Variants in GLB1 observed in about 807,000 individuals in gnomAD.
GLB1 encodes galactosidase beta 1.
A neutral mutation model predicts 74.0 loss-of-function variants in GLB1; 56 were observed. That is an observed-to-expected ratio of 0.76 (90% CI 0.61 to 0.94). The LOEUF (loss-of-function observed/expected upper bound fraction) is 0.94. Ranked by LOEUF, GLB1 falls within the 40% of genes least tolerant of loss-of-function variation. The pLI, the probability that GLB1 is intolerant of heterozygous loss-of-function variation, is 0.00. For synonymous variants in GLB1, 323 were observed against 323.6 expected (o/e 1.00, Z 0.02); for missense variants, 787 against 845.5 (o/e 0.93, Z 0.86).
At chr3:32,962,024 C>T in the GLB1 span, among the ~76,000 whole-genome samples, 1 of 152,148 alleles carries the variant, frequency 6.6e-6, no homozygotes, top group East Asian at 1.9e-4. Flanking sequence ...GGCGAAACCC[C>T]GTCTACTAAA....
At chr3:33,053,278 C>T (rs1307008546) in intron 7 of GLB1, among the ~76,000 whole-genome samples, 1 of 152,150 alleles carries the variant, frequency 6.6e-6, no homozygotes, top group Non-Finnish European at 1.5e-5. Flanking sequence ...TCATGTTGGT[C>T]CCCAGTCTGT....
At chr3:32,999,072 G>A (rs986281678) in intron 15 of GLB1, among the ~76,000 whole-genome samples, 2 of 152,172 alleles carry the variant, frequency 1.3e-5, no homozygotes, top group African/African-American at 2.4e-5. Context: ...CATGATTAAA[G>A]TGAAAAGATG....
At chr3:33,069,814 T>A (rs981498357) in intron 2 of GLB1, among the ~76,000 whole-genome samples, 4 of 152,198 alleles carry the variant, frequency 2.6e-5, no homozygotes, top group Non-Finnish European at 5.9e-5. Flanking sequence ...TAAATAAATT[T>A]TTAAAAACTT....
intron 6 of GLB1, among the ~76,000 whole-genome samples, chr3:33,054,951 C>T (rs1699152452): frequency 6.6e-6 from 1 of 152,262 alleles, no homozygotes; most frequent in African/African-American, 2.4e-5. Context: ...GACGTGGCCC[C>T]AGCCAAGACC....
Position 33,058,125 on chromosome 3 carries a change from G to T in GLB1, c.697C>A (p.Leu233Met), listed in dbSNP as rs751275184. Residue 233 changes from leucine (L) to methionine (M), a missense_variant, in exon 6 of 16, where the codon CTG becomes ATG. By Grantham distance (15) the Leu-to-Met change is conservative. Transcript: ENST00000307363. ...TCCACCGTGGTGTAGAGGCCCTGCA[G>T]GGCCCCACATTTCAGGAATGTTTTA... ...AHKTFLKCGA[L>M]QGLYTTVDFG... 1.4e-5 allele frequency: 23 copies of T among 1,614,002 alleles called. No homozygotes were observed. Among genetic ancestry groups the T allele is most frequent in the Non-Finnish European group, 1.9e-5 (23 of 1,180,014 alleles).
chr3:32,995,198 G>A (rs1000736223), downstream of GLB1, among the ~76,000 whole-genome samples: 1 of 152,100 alleles, frequency 6.6e-6, no homozygotes, highest in Non-Finnish European at 1.5e-5. Context: ...ACACGCTGAT[G>A]AGGCAACCAC....
At position 33,093,165 on chromosome 3, in the gene GLB1, T is replaced by G. The variant is rs937285209; in HGVS notation, c.75+3846A>C. The G allele has an allele frequency of 1.9e-6, 3 of 1,613,794 alleles. No individual in the cohort carries two copies. Among genetic ancestry groups the G allele is most frequent in the Non-Finnish European group, 2.5e-6 (3 of 1,179,938 alleles). ...GTCAAGATCCATGCCATGGCCAGAG[T>G]AGTGCAGGATGTCTGCTTCAATATC... is the stretch of plus-strand genomic sequence containing the variant. On this transcript the variant is annotated intron_variant, in intron 1 of 15. Coordinates refer to ENST00000307363, the MANE Select transcript of GLB1 (RefSeq NM_000404.4). The surrounding 1 kb of genome is among the most constrained non-coding windows in gnomAD (Gnocchi z 6.0).
At position 33,015,234 on chromosome 3, in the gene GLB1, C is replaced by A. The variant is rs116042539; in HGVS notation, c.1480-924G>T. ...CATCCCACTGCGGATGGAGCAGGTA[C>A]GACGGATGCAGCCAGGAGCAAATAT... On this transcript the variant is annotated intron_variant, in intron 14 of 15. Coordinates refer to ENST00000307363, the MANE Select transcript of GLB1 (RefSeq NM_000404.4). Among the ~76,000 whole-genome samples, 430 of 152,208 alleles carry A rather than the reference C, an allele frequency of 2.8e-3. 5 individuals are homozygous for A. Among genetic ancestry groups the A allele is most frequent in the African/African-American group, 1.0e-2 (414 of 41,534 alleles).
At chr3:32,984,772 T>C in the GLB1 span, among the ~76,000 whole-genome samples, 2 of 151,574 alleles carry the variant, frequency 1.3e-5, no homozygotes, top group African/African-American at 4.9e-5. Context: ...TGAAACCCCG[T>C]CTCTACTAAA....
At position 33,068,132 on chromosome 3, in the gene GLB1, C is replaced by G; in HGVS notation, c.457+98G>C. On this transcript the variant is annotated intron_variant, in intron 4 of 15. Coordinates refer to ENST00000307363, the MANE Select transcript of GLB1 (RefSeq NM_000404.4). ...GAACTCCCAACCTCAGGTAATCCAC[C>G]CGCCTCAGCCTCCCAAAGTGTCAGG... 9.0e-6 allele frequency: 14 copies of G among 1,563,450 alleles called. No individual in the cohort carries two copies. In the South Asian group the frequency reaches 1.4e-4, roughly 16 times the overall value.
At chr3:33,069,804 T>C (rs1699825905) in intron 2 of GLB1, among the ~76,000 whole-genome samples, 1 of 152,230 alleles carries the variant, frequency 6.6e-6, no homozygotes. Context: ...AGTAATAAGT[T>C]AAATAAATTT....
At chr3:33,058,011 T>G (rs77452319) in intron 6 of GLB1, 78 bp downstream of exon 6, 5 of 1,578,400 alleles carry the variant, frequency 3.2e-6, no homozygotes, top group Non-Finnish European at 4.3e-6. Context: ...ATGACACTTA[T>G]AACAACAGCT....
At chr3:33,033,562 C>T (rs1429831892) in intron 10 of GLB1, among the ~76,000 whole-genome samples, 2 of 152,114 alleles carry the variant, frequency 1.3e-5, no homozygotes. Context: ...GCAGGTGGAT[C>T]ACTTGAGGTC....
chr3:33,056,261 C>T (rs537950988), intron 6 of GLB1, among the ~76,000 whole-genome samples: 1 of 126,740 alleles, frequency 7.9e-6, no homozygotes, highest in African/African-American at 2.9e-5. Flanking sequence ...AAAAAAGCAA[C>T]ACCAGGCTAA....
chr3:33,061,098 G>A (rs988502205), intron 5 of GLB1, among the ~76,000 whole-genome samples: 53 of 152,296 alleles, frequency 3.5e-4, no homozygotes, highest in African/African-American at 1.2e-3. Context: ...TTCTAGAGCA[G>A]GAGTCAACAA....
the GLB1 span, among the ~76,000 whole-genome samples, chr3:32,978,232 T>C: frequency 4.6e-5 from 7 of 152,278 alleles, no homozygotes; most frequent in South Asian, 1.0e-3. Context: ...AGGCTCCTTT[T>C]GGAGGGGGGC....
At chr3:33,087,085 A>G (rs1447793342) in intron 1 of GLB1, among the ~76,000 whole-genome samples, 2 of 152,062 alleles carry the variant, frequency 1.3e-5, no homozygotes, top group Admixed American at 6.5e-5. Context: ...TGAAGAGGGG[A>G]CATTATAACT....
chr3:33,019,503 GA>G (rs1363735779), intron 12 of GLB1, among the ~76,000 whole-genome samples: 1 of 152,074 alleles, frequency 6.6e-6, no homozygotes, highest in African/African-American at 2.4e-5. Context: ...CTAGGGCCCA[GA>G]AAGAAAGAAA....
At chr3:33,016,109 G>A (rs1156720560) in intron 14 of GLB1, among the ~76,000 whole-genome samples, 1 of 152,212 alleles carries the variant, frequency 6.6e-6, no homozygotes, top group Non-Finnish European at 1.5e-5. Context: ...CAAGTGAAGA[G>A]TTTGCCACAG....
Sources: gnomAD v4.1 joint callset for allele counts (sites outside exome capture counted in the v4.1 genomes callset) on GRCh38, gnomAD v4.1.1 for gene constraint, Gnocchi (gnomAD v3.1) non-coding constraint, MANE v1.5 for transcripts, NCBI Gene and HGNC (gene_info 2026-07-23, HGNC 2026-07-21) for gene names.